Variants in ASXL2 observed in about 807,000 individuals in gnomAD.
The protein encoded by ASXL2 is ASXL transcriptional regulator 2.
Under a neutral mutation model 122.0 loss-of-function variants are expected in ASXL2, and 23 were observed. The observed-to-expected ratio is 0.19, with a 90% CI of 0.14 to 0.27. The LOEUF (loss-of-function observed/expected upper bound fraction) is 0.27, where lower values mean the gene tolerates loss of function less well. ASXL2 is among the 10% of genes least tolerant of loss of function. The pLI, the probability that ASXL2 is intolerant of heterozygous loss-of-function variation, is 1.00. For synonymous variants in ASXL2, 650 were observed against 637.0 expected (o/e 1.02, Z -0.31); for missense variants, 1,518 against 1,713.8 (o/e 0.89, Z 2.02).
chr2:25,767,465 C>T lies in ASXL2; in HGVS notation c.775+118G>A, dbSNP rs552625260. 22 of 1,094,154 alleles carry T rather than the reference C, an allele frequency of 2.0e-5. No homozygotes were observed. In the South Asian group the frequency reaches 3.6e-4, roughly 18 times the overall value. 67.8% of individuals were successfully genotyped at this position (1,094,154 alleles called of 1,614,324 possible). A position where few individuals can be genotyped will look rare whatever the true frequency, so the allele number is the denominator to read the frequency against. On this transcript the variant is annotated intron_variant, in intron 8 of 12. Coordinates refer to ENST00000435504, the MANE Select transcript of ASXL2 (RefSeq NM_018263.6). Reference sequence around the variant, plus strand: ...GCAACAAAAAAAACTTATGTCTAATCTTTGCTATGTAACTCAAATCTAAGT... The same window carrying T: ...GCAACAAAAAAAACTTATGTCTAATTTTTGCTATGTAACTCAAATCTAAGT...
At chr2:25,877,740 C>T (rs994606587) in intron 1 of ASXL2, among the ~76,000 whole-genome samples, 15 of 152,338 alleles carry the variant, frequency 9.8e-5, no homozygotes, top group African/African-American at 3.6e-4. Flanking sequence ...AGCTCCAGCG[C>T]TCCCCTCTCC....
At chr2:25,864,895 G>A (rs1022264855) in intron 1 of ASXL2, among the ~76,000 whole-genome samples, 5 of 150,942 alleles carry the variant, frequency 3.3e-5, no homozygotes, top group Admixed American at 1.3e-4. Flanking sequence ...ACAATAGCGC[G>A]ATCTCAGCTC....
rs2088456428 is a variant in ASXL2, at chr2:25,771,554, A to T, written c.404-14T>A. 3 of 1,601,012 alleles carry T rather than the reference A, an allele frequency of 1.9e-6. No individual in the cohort carries two copies. The highest frequency in any genetic ancestry group is 2.6e-6 in the Non-Finnish European group (3 of 1,170,488). The stretch of plus-strand genomic sequence containing the variant: ...AGGACGACGATACTAGGGAAAAAAA[A>T]GTGACAATAAAAGATTTTTGTTAAC... On this transcript the variant is annotated splice_polypyrimidine_tract_variant and intron_variant, in intron 5 of 12. Transcript: ENST00000435504.
intron 1 of ASXL2, chr2:25,856,879 CA>C (rs2149198310): frequency 1.4e-6 from 1 of 726,092 alleles, no homozygotes; most frequent in African/African-American, 1.7e-5. Context: ...TCATTCTGGT[CA>C]AAGGGGTCCT....
chr2:25,810,450 G>A (rs1440561933), intron 3 of ASXL2: 18 of 709,694 alleles, frequency 2.5e-5, no homozygotes, highest in Middle Eastern at 3.8e-4. Context: ...CAGTGGCCAC[G>A]TGCTCCTGAG....
chr2:25,792,103 C>A (rs1294662295), intron 5 of ASXL2, among the ~76,000 whole-genome samples: 1 of 152,204 alleles, frequency 6.6e-6, no homozygotes, highest in Admixed American at 6.5e-5. Context: ...CTCAAGCAAT[C>A]CTCCTGCCTC....
At chr2:25,874,924 A>AT (rs1417399565) in intron 1 of ASXL2, among the ~76,000 whole-genome samples, 3 of 139,208 alleles carry the variant, frequency 2.2e-5, no homozygotes, top group African/African-American at 5.5e-5. Context: ...TACAAAAAAA[A>AT]ATTTTTTAAT....
chr2:25,822,431 C>A, intron 3 of ASXL2: 1 of 340,398 alleles, frequency 2.9e-6, no homozygotes. Context: ...CGCCAGAGGG[C>A]CGCCCACCTG....
rs2087737697 is a variant in ASXL2 at position 25,736,537 on chromosome 2, C to T, written c.*5492G>A. The T allele has an allele frequency of 6.6e-6, 1 of 152,012 alleles. No homozygotes were observed. The highest frequency in any genetic ancestry group is 6.6e-5 in the Admixed American group (1 of 15,258). 9.4% of individuals were successfully genotyped at this position (152,012 alleles called of 1,614,324 possible). ...AGCACATTTTCAGCTAAGATCTAGACTGCTGTTCTCTTGGAAGGCTGAATT... is the reference window on the plus strand; with the variant it reads ...AGCACATTTTCAGCTAAGATCTAGATTGCTGTTCTCTTGGAAGGCTGAATT... On this transcript the variant is annotated 3_prime_UTR_variant, in exon 13 of 13. Coordinates refer to ENST00000435504, the MANE Select transcript of ASXL2 (RefSeq NM_018263.6).
intron 5 of ASXL2, among the ~76,000 whole-genome samples, chr2:25,773,069 T>C (rs2088483689): frequency 6.6e-6 from 1 of 151,546 alleles, no homozygotes; most frequent in African/African-American, 2.4e-5. Context: ...ATTAGCCGGG[T>C]GTGGTGGCAC....
At chr2:25,852,423 T>C (rs940125362) in intron 1 of ASXL2, among the ~76,000 whole-genome samples, 3 of 152,262 alleles carry the variant, frequency 2.0e-5, no homozygotes, top group African/African-American at 7.2e-5. Flanking sequence ...TATTACATTA[T>C]GAGTTCATTC....
Position 25,744,540 on chromosome 2 carries a change from T to C in ASXL2, c.1861-64A>G. On this transcript the variant is annotated intron_variant, in intron 12 of 12. Transcript: ENST00000435504. This position sits in a 1 kb window ranked among gnomAD's most constrained non-coding sequence, Gnocchi z 4.7. The stretch of plus-strand genomic sequence containing the variant: ...TTTTCATTTGTAAGAATAACAAAAC[T>C]TCATTAGCCCTCACATTTTAAAAAC... 1 of 1,492,782 alleles carries C rather than the reference T, an allele frequency of 6.7e-7. No homozygotes were observed. Among genetic ancestry groups the C allele is most frequent in the Non-Finnish European group, 8.9e-7 (1 of 1,119,168 alleles). The allele number at this position is 1,492,782 out of a possible 1,614,324, so 92.5% of individuals were successfully genotyped here.
chr2:25,753,721 C>A (rs570290949), intron 10 of ASXL2, 82 bp from the exon 11 acceptor site: 2 of 1,087,850 alleles, frequency 1.8e-6, no homozygotes, highest in African/African-American at 3.1e-5. Context: ...GAAAGACTCA[C>A]GCAGGAATTG....
At chr2:25,773,805 TGG>T (rs1406496319) in intron 5 of ASXL2, among the ~76,000 whole-genome samples, 1 of 151,388 alleles carries the variant, frequency 6.6e-6, no homozygotes, top group Non-Finnish European at 1.5e-5. Flanking sequence ...CCGAGGCAGG[TGG>T]AACACTTGAG....
chr2:25,844,583 AAAAC>A (rs1225702385), intron 2 of ASXL2, among the ~76,000 whole-genome samples: 1 of 151,878 alleles, frequency 6.6e-6, no homozygotes, highest in Admixed American at 6.6e-5. Context: ...CTCAAAAAAA[AAAAC>A]AAACAAAAAA....
intron 3 of ASXL2, among the ~76,000 whole-genome samples, chr2:25,834,545 T>C (rs2089487228): frequency 1.3e-5 from 2 of 152,160 alleles, no homozygotes; most frequent in South Asian, 4.1e-4. Flanking sequence ...GGACTACAAA[T>C]ATAACTAGAG....
intron 2 of ASXL2, among the ~76,000 whole-genome samples, chr2:25,835,831 C>T (rs1332873231): frequency 6.6e-6 from 1 of 152,146 alleles, no homozygotes; most frequent in Non-Finnish European, 1.5e-5. Flanking sequence ...ACTGTTAGGG[C>T]ATTTAAATGT....
intron 1 of ASXL2, among the ~76,000 whole-genome samples, chr2:25,860,415 G>A (rs531933619): frequency 6.6e-6 from 1 of 151,712 alleles, no homozygotes; most frequent in South Asian, 2.1e-4. Context: ...CTGAATGCAT[G>A]TATTAGAAAA....
At chr2:25,789,277 T>G (rs375672893) in intron 5 of ASXL2, among the ~76,000 whole-genome samples, 164 of 152,192 alleles carry the variant, frequency 1.1e-3, no homozygotes, top group African/African-American at 3.6e-3. Context: ...TTTAAGAATC[T>G]GATGTATTTC....
Sources: allele counts gnomAD v4.1 joint callset (sites outside exome capture counted in the v4.1 genomes callset), GRCh38; gene constraint gnomAD v4.1.1; non-coding constraint Gnocchi (gnomAD v3.1); transcripts MANE v1.5; gene names NCBI Gene and HGNC (gene_info 2026-07-23, HGNC 2026-07-21).